EPC2: variants seen among roughly 807,000 people sequenced by gnomAD.
EPC2 encodes enhancer of polycomb homolog 2.
Under a neutral mutation model 92.1 loss-of-function variants are expected in EPC2, and 14 were observed. The ratio of observed to expected loss-of-function variants is 0.15; its 90% CI spans 0.10 to 0.24. The LOEUF (loss-of-function observed/expected upper bound fraction) is 0.24. Ranked by LOEUF, EPC2 falls within the 10% of genes least tolerant of loss-of-function variation. The pLI, the probability that EPC2 is intolerant of heterozygous loss-of-function variation, is 1.00. For synonymous variants in EPC2, 340 were observed against 334.7 expected (o/e 1.02, Z -0.17); for missense variants, 755 against 971.5 (o/e 0.78, Z 2.96).
At chr2:148,737,525 ACT>A (rs1682781798) in intron 2 of EPC2, among the ~76,000 whole-genome samples, 3 of 151,726 alleles carry the variant, frequency 2.0e-5, no homozygotes, top group Middle Eastern at 3.4e-3. Context: ...GACTTCCACT[ACT>A]CTCTTTCTCC....
At chr2:148,690,979 G>A (rs1681633323) in intron 2 of EPC2, among the ~76,000 whole-genome samples, 1 of 152,116 alleles carries the variant, frequency 6.6e-6, no homozygotes, top group African/African-American at 2.4e-5. Flanking sequence ...TACTTTTAAA[G>A]GTCCAGTGGC....
chr2:148,707,873 T>C (rs1208087918), intron 2 of EPC2, among the ~76,000 whole-genome samples: 2 of 152,306 alleles, frequency 1.3e-5, no homozygotes, highest in East Asian at 1.9e-4. Flanking sequence ...TTTGTAGCGC[T>C]AAACACCCAC....
chr2:148,786,464 CAGAGTGT>C lies in EPC2; in HGVS notation c.*89_*95del. On this transcript the variant is annotated 3_prime_UTR_variant, in exon 14 of 14. Coordinates refer to ENST00000258484, the MANE Select transcript of EPC2 (RefSeq NM_015630.4). ...GCAAAAGGCAACACTCTGTGGATCA[CAGAGTGT>C]AACAATGGACCTAAATGGACTATAG... The C allele has an allele frequency of 9.8e-7, 1 of 1,023,072 alleles. No individual in the cohort carries two copies. The highest frequency in any genetic ancestry group is 1.4e-5 in the South Asian group (1 of 71,924). 63.4% of individuals were successfully genotyped at this position (1,023,072 alleles called of 1,614,324 possible). A position where few individuals can be genotyped will look rare whatever the true frequency, so the allele number is the denominator to read the frequency against.
At chr2:148,778,709 A>G (rs1333070592) in intron 10 of EPC2, among the ~76,000 whole-genome samples, 1 of 152,166 alleles carries the variant, frequency 6.6e-6, no homozygotes. Context: ...ATTGATTACT[A>G]TTGGCAATTT....
chr2:148,729,130 A>G (rs1166104366), intron 2 of EPC2, among the ~76,000 whole-genome samples: 5 of 152,014 alleles, frequency 3.3e-5, no homozygotes, highest in African/African-American at 1.2e-4. Flanking sequence ...ACTGTGAACA[A>G]ATAGAATTTC....
rs979430651 is a variant in EPC2 at position 148,780,544 on chromosome 2, A to C, written c.1721-1100A>C. 3.3e-5 allele frequency among the ~76,000 whole-genome samples: 5 copies of C among 152,152 alleles called. No homozygotes were observed. In the East Asian group the frequency reaches 7.7e-4, roughly 23 times the overall value. Reference sequence around the variant, plus strand: ...TTGATTAGATCACTCAATTGCATGTAAATGTTGATTCATTAATTGGTATTT... The same window carrying C: ...TTGATTAGATCACTCAATTGCATGTCAATGTTGATTCATTAATTGGTATTT... On this transcript the variant is annotated intron_variant, in intron 10 of 13. Transcript: ENST00000258484.
intron 10 of EPC2, among the ~76,000 whole-genome samples, chr2:148,778,224 CA>C (rs898764955): frequency 5.9e-5 from 9 of 152,110 alleles, no homozygotes; most frequent in African/African-American, 2.2e-4. Flanking sequence ...AACTTAAGAT[CA>C]ACTAGTGAAA....
chr2:148,734,090 C>CT (rs1682702947), intron 2 of EPC2, among the ~76,000 whole-genome samples: 1 of 152,104 alleles, frequency 6.6e-6, no homozygotes, highest in African/African-American at 2.4e-5. Context: ...TTTATTACTT[C>CT]TTTTTTGCTT....
chr2:148,750,633 T>C (rs1223019734), intron 3 of EPC2, among the ~76,000 whole-genome samples: 4 of 152,126 alleles, frequency 2.6e-5, no homozygotes, highest in Non-Finnish European at 5.9e-5. Flanking sequence ...TTTTGTGGCA[T>C]TGTGTAAATT....
At chr2:148,725,171 T>C (rs1320435295) in intron 2 of EPC2, among the ~76,000 whole-genome samples, 1 of 152,130 alleles carries the variant, frequency 6.6e-6, no homozygotes, top group Non-Finnish European at 1.5e-5. Context: ...TCTGAGAAAG[T>C]TGTGTTTAAA....
intron 1 of EPC2, among the ~76,000 whole-genome samples, chr2:148,674,877 G>A (rs954812691): frequency 3.3e-5 from 5 of 152,140 alleles, no homozygotes. Flanking sequence ...GTGGGAATGA[G>A]GTATGGGGCT....
chr2:148,702,944 C>T (rs1681918592), intron 2 of EPC2, among the ~76,000 whole-genome samples: 1 of 152,128 alleles, frequency 6.6e-6, no homozygotes, highest in African/African-American at 2.4e-5. Context: ...GATTGGACAC[C>T]TCTGCCCTAA....
At chr2:148,695,422 C>T (rs1345054833) in intron 2 of EPC2, among the ~76,000 whole-genome samples, 3 of 152,328 alleles carry the variant, frequency 2.0e-5, no homozygotes, top group Non-Finnish European at 2.9e-5. Context: ...TTGAAGCTGA[C>T]TCCTCAGACT....
intron 7 of EPC2, among the ~76,000 whole-genome samples, chr2:148,766,430 T>C (rs952381656): frequency 2.0e-5 from 3 of 152,250 alleles, no homozygotes; most frequent in South Asian, 2.1e-4. Flanking sequence ...TGCAAAGATA[T>C]GCTTAATTTT....
intron 1 of EPC2, among the ~76,000 whole-genome samples, chr2:148,656,128 G>C (rs1680794234): frequency 6.6e-6 from 1 of 151,326 alleles, no homozygotes; most frequent in Admixed American, 6.6e-5. Context: ...TGAGTAATAT[G>C]TGATCCTAAA....
intron 1 of EPC2, among the ~76,000 whole-genome samples, chr2:148,654,891 A>AT (rs913817669): frequency 7.2e-5 from 11 of 152,072 alleles, no homozygotes; most frequent in African/African-American, 1.4e-4. Flanking sequence ...CCTCAGAATG[A>AT]TTTTTTTTAG....
intron 4 of EPC2, among the ~76,000 whole-genome samples, chr2:148,759,919 G>C (rs545867039): frequency 1.9e-4 from 29 of 152,190 alleles, no homozygotes; most frequent in African/African-American, 6.7e-4. Flanking sequence ...CTGGGGAAAG[G>C]AAAGTTAGGA....
intron 2 of EPC2, among the ~76,000 whole-genome samples, chr2:148,713,642 T>G (rs1203364909): frequency 1.3e-5 from 2 of 152,210 alleles, no homozygotes; most frequent in Non-Finnish European, 2.9e-5. Context: ...ATTTATGATG[T>G]GCCCTATACA....
chr2:148,648,887 T>A (rs1680578693), intron 1 of EPC2, among the ~76,000 whole-genome samples: 1 of 152,212 alleles, frequency 6.6e-6, no homozygotes, highest in Non-Finnish European at 1.5e-5. Flanking sequence ...ATCTTTTACT[T>A]CTTTTCTTCC....
Sources: gnomAD v4.1 joint callset for allele counts (sites outside exome capture counted in the v4.1 genomes callset) on GRCh38, gnomAD v4.1.1 for gene constraint, MANE v1.5 for transcripts, NCBI Gene and HGNC (gene_info 2026-07-23, HGNC 2026-07-21) for gene names.